Variants in CPVL observed in about 807,000 individuals in gnomAD.
The protein encoded by CPVL is probable serine carboxypeptidase CPVL.
In CPVL, 51 loss-of-function variants were observed where a neutral mutation model predicts 63.7. The ratio of observed to expected loss-of-function variants is 0.80; its 90% CI spans 0.64 to 1.01. CPVL has a LOEUF of 1.01. CPVL is among the 50% of genes least tolerant of loss of function. The probability of loss-of-function intolerance (pLI) is 0.00; values close to 1 mark genes in which losing one functional copy is unlikely to be tolerated. For synonymous variants in CPVL, 195 were observed against 206.0 expected (o/e 0.95, Z 0.46); for missense variants, 530 against 573.1 (o/e 0.92, Z 0.77).
intron 3 of CPVL, among the ~76,000 whole-genome samples, chr7:29,097,348 C>CTTTT (rs1443426450): frequency 6.6e-6 from 1 of 152,222 alleles, no homozygotes; most frequent in African/African-American, 2.4e-5. Flanking sequence ...AAGAAGAAAA[C>CTTTT]GCATGTCCTC....
intron 1 of CPVL, chr7:29,126,262 A>G (rs1434594589): frequency 6.6e-6 from 1 of 152,208 alleles, no homozygotes; most frequent in Admixed American, 6.5e-5. Context: ...CTTGAAATCA[A>G]CTATGGTAGG....
upstream of CPVL, among the ~76,000 whole-genome samples, chr7:29,148,018 G>A (rs1040849766): frequency 1.3e-5 from 2 of 152,150 alleles, no homozygotes; most frequent in Non-Finnish European, 1.5e-5. Context: ...GTGGAAGCTC[G>A]GTCAAGCTTC....
chr7:29,146,978 G>A (rs1301303267), upstream of CPVL: 6 of 1,550,714 alleles, frequency 3.9e-6, no homozygotes, highest in Non-Finnish European at 5.2e-6. Context: ...CGCACCAAGT[G>A]CCACTGTCCT....
intron 5 of CPVL, among the ~76,000 whole-genome samples, chr7:29,175,982 C>G (rs1021090853): frequency 1.3e-5 from 2 of 151,988 alleles, no homozygotes; most frequent in African/African-American, 2.4e-5. Context: ...GTCAGGAGAT[C>G]AAGACCATCC....
intron 11 of CPVL, among the ~76,000 whole-genome samples, chr7:29,062,719 G>C (rs1160179539): frequency 6.6e-6 from 1 of 152,152 alleles, no homozygotes; most frequent in African/African-American, 2.4e-5. Context: ...ACACATTGTA[G>C]AAATGAATAT....
rs976049806 is a variant in CPVL, at chr7:29,009,137, T to C, written c.1321-13255A>G. The C allele has an allele frequency of 2.1e-5, 3 of 144,670 alleles. No individual in the cohort carries two copies. In the Admixed American group the frequency reaches 2.1e-4, roughly 10 times the overall value. The allele number at this position is 144,670 out of a possible 1,614,324, so 9.0% of individuals were successfully genotyped here. On this transcript the variant is annotated intron_variant, in intron 12 of 12. Transcript: ENST00000265394. ...CCGGACTTGGATGTGAAATGTCCAC[T>C]CTGCCTTCGCTGTGTGTGTGTATGC...
Position 28,995,779 on chromosome 7 carries a change from A to G in CPVL, c.1424T>C (p.Val475Ala), listed in dbSNP as rs373399772. 1.3e-6 allele frequency: 2 copies of G among 1,582,906 alleles called. No homozygotes were observed. Among genetic ancestry groups the G allele is most frequent in the African/African-American group, 2.7e-5 (2 of 73,768 alleles). The stretch of plus-strand genomic sequence containing the variant: ...CTCTTTTGGGAAGGTAGTTTATCCA[A>G]CATAAGGATCCCATCCTTTTCCATA... ...FIYGKGWDPYVG is the reference protein window; with the variant it reads ...FIYGKGWDPYAG The change falls in exon 13 of 13, where the codon GTT becomes GCT. Residue 475 changes from valine (V) to alanine (A), a missense_variant. Physicochemically the swap from Val to Ala is moderately conservative, Grantham distance 64 (BLOSUM62 0). Transcript: ENST00000265394.
At chr7:29,101,544 A>G (rs1787127291) in intron 3 of CPVL, among the ~76,000 whole-genome samples, 1 of 152,208 alleles carries the variant, frequency 6.6e-6, no homozygotes, top group African/African-American at 2.4e-5. Flanking sequence ...GCAGTGAGCC[A>G]AAATAGCGCC....
At chr7:29,065,296 T>G (rs970392649) in intron 10 of CPVL, among the ~76,000 whole-genome samples, 6 of 152,234 alleles carry the variant, frequency 3.9e-5, no homozygotes, top group African/African-American at 1.4e-4. Context: ...TAGTAGAATC[T>G]AAATCCAAAA....
Position 29,123,608 on chromosome 7 carries a change from AAAAAAAAAAAAAAAAAAAAAATATAT to A in CPVL, c.-10-2563_-10-2538del, listed in dbSNP as rs1272920165. On this transcript the variant is annotated intron_variant, in intron 1 of 12. Transcript: ENST00000265394. The stretch of plus-strand genomic sequence containing the variant: ...CTCTAACTGGTTCAGAAAAAAAAAA[AAAAAAAAAAAAAAAAAAAAAATATAT>A]ATATATATATATATATATATATGCA... 1.9e-3 allele frequency among the ~76,000 whole-genome samples: 170 copies of A among 89,984 alleles called. 1 individual carries two copies. The highest frequency in any genetic ancestry group is 3.0e-3 in the Non-Finnish European group (138 of 46,576). The allele number at this position is 89,984 out of a possible 152,430, so 59.0% of individuals were successfully genotyped here.
chr7:29,051,080 T>C (rs1790108552), intron 11 of CPVL, among the ~76,000 whole-genome samples: 3 of 152,160 alleles, frequency 2.0e-5, no homozygotes, highest in African/African-American at 4.8e-5. Context: ...TCCTCATCTC[T>C]CACCTTATAT....
chr7:29,130,184 T>A (rs969332446), intron 1 of CPVL, among the ~76,000 whole-genome samples: 3 of 151,668 alleles, frequency 2.0e-5, no homozygotes, highest in African/African-American at 7.3e-5. Flanking sequence ...ATGGAAGGAG[T>A]TGGGATGGAG....
chr7:29,145,559 T>C (rs1300382954), intron 1 of CPVL, among the ~76,000 whole-genome samples: 1 of 151,710 alleles, frequency 6.6e-6, no homozygotes, highest in Non-Finnish European at 1.5e-5. Context: ...GTTTTAAACA[T>C]TATTTTGTTC....
At chr7:29,134,161 C>A (rs1790963406) in intron 1 of CPVL, among the ~76,000 whole-genome samples, 1 of 152,212 alleles carries the variant, frequency 6.6e-6, no homozygotes, top group South Asian at 2.1e-4. Context: ...GAACACTCAG[C>A]AGAAAGAATG....
At chr7:29,089,338 T>C (rs1008302969) in intron 6 of CPVL, among the ~76,000 whole-genome samples, 1 of 152,142 alleles carries the variant, frequency 6.6e-6, no homozygotes, top group African/African-American at 2.4e-5. Context: ...TCAGTTCTAA[T>C]AGAGTCAGAA....
At chr7:29,091,464 A>G (rs1274013920) in intron 6 of CPVL, among the ~76,000 whole-genome samples, 4 of 152,070 alleles carry the variant, frequency 2.6e-5, no homozygotes, top group Non-Finnish European at 4.4e-5. Flanking sequence ...GTGCCAAGAG[A>G]GCCCTGGCCC....
At chr7:29,103,734 G>A (rs969366472) in intron 3 of CPVL, among the ~76,000 whole-genome samples, 2 of 152,166 alleles carry the variant, frequency 1.3e-5, no homozygotes, top group African/African-American at 4.8e-5. Flanking sequence ...AATAAGGAAT[G>A]CCACGCTTGG....
chr7:29,172,782 T>C (rs1291993915), intron 5 of CPVL, among the ~76,000 whole-genome samples: 1 of 152,190 alleles, frequency 6.6e-6, no homozygotes, highest in African/African-American at 2.4e-5. Flanking sequence ...AAAACTTTTT[T>C]TTTCAACTTC....
chr7:29,093,239 T>C (rs1040289425), intron 5 of CPVL, among the ~76,000 whole-genome samples: 3 of 151,802 alleles, frequency 2.0e-5, no homozygotes, highest in African/African-American at 7.3e-5. Context: ...TAGCCGGGCA[T>C]GATGGCGGGC....
Sources: allele counts gnomAD v4.1 joint callset (sites outside exome capture counted in the v4.1 genomes callset), GRCh38; gene constraint gnomAD v4.1.1; transcripts MANE v1.5; gene names NCBI Gene and HGNC (gene_info 2026-07-23, HGNC 2026-07-21).